The following C6 variants were observed in gnomAD, a reference collection of about 807,000 sequenced individuals.
C6 encodes complement C6.
In C6, 101 loss-of-function variants were observed where a neutral mutation model predicts 112.9. The observed-to-expected ratio is 0.89, with a 90% confidence interval of 0.76 to 1.06. The LOEUF is 1.06. C6 is among the 50% of genes least tolerant of loss of function. C6 has a pLI of 0.00. For synonymous variants in C6, 431 were observed against 384.1 expected, an observed-to-expected ratio of 1.12 and a Z score of -1.43; for missense variants, 1,202 against 1,104.6, an observed-to-expected ratio of 1.09 and a Z score of -1.25.
chr5:41,150,101 A>G (rs1374054898), intron 15 of C6, 76 bp from the exon 16 acceptor site: 18 of 935,710 alleles, frequency 1.9e-5, no homozygotes, highest in Non-Finnish European at 2.8e-5. Context: ...TTCAGAGAAG[A>G]GGCAGTGGTA....
chr5:41,154,862 T>G, intron 14 of C6, 110 bp downstream of exon 14: 1 of 1,096,942 alleles, frequency 9.1e-7, no homozygotes, highest in Non-Finnish European at 1.4e-6. Flanking sequence ...TCACCAGAGT[T>G]ACTAAAAACT....
intron 1 of C6, among the ~76,000 whole-genome samples, chr5:41,240,694 G>A (rs1387126451): frequency 6.6e-6 from 1 of 152,168 alleles, no homozygotes; most frequent in Non-Finnish European, 1.5e-5. Flanking sequence ...CAGGCAGCAT[G>A]CTTGAGTGCC....
chr5:41,195,311 A>G (rs79153837), intron 5 of C6, among the ~76,000 whole-genome samples: 1,897 of 152,034 alleles, frequency 0.012, 43 homozygotes, highest in African/African-American at 0.044. Context: ...TTTGCTTTTC[A>G]TGCTGGAAGA....
chr5:41,149,252 T>G lies in C6; in HGVS notation c.2612A>C (p.Glu871Ala). 1 of 1,614,036 alleles carries G rather than the reference T, an allele frequency of 6.2e-7. No homozygotes were observed. The highest frequency in any genetic ancestry group is 2.2e-5 in the East Asian group (1 of 44,874). ...SCGYDTCYDW[E>A]KCSASTSKCV... ...CCATTGGAACTTACCTGAACATTTT[T>G]CCCAGTCATAGCAGGTGTCATAGCC... The change falls in exon 17 of 18, where the codon GAA (glutamate) becomes GCA (alanine). Residue 871 changes from glutamate (E) to alanine (A), a missense_variant. By Grantham distance (107) the Glu-to-Ala change is moderately radical (BLOSUM62 -1). Coordinates refer to ENST00000337836, the MANE Select transcript of C6 (RefSeq NM_000065.5).
At chr5:41,240,925 G>C (rs1471538573) in intron 1 of C6, among the ~76,000 whole-genome samples, 1 of 152,162 alleles carries the variant, frequency 6.6e-6, no homozygotes, top group Non-Finnish European at 1.5e-5. Flanking sequence ...TGCGTGCTCG[G>C]ATGACCGGCA....
Position 41,181,427 on chromosome 5 carries a change from A to C in C6, c.859T>G (p.Ser287Ala), listed in dbSNP as rs1234771763. 5.0e-6 allele frequency: 8 copies of C among 1,613,680 alleles called. No individual in the cohort carries two copies. The highest frequency in any genetic ancestry group is 1.7e-5 in the Admixed American group (1 of 59,988). The stretch of plus-strand genomic sequence containing the variant: ...TGGTTGATATTTTCACTTCTCTTTG[A>C]GGAATAAAAAATTGGTACACTGAAA... ...SSFSVPIFYS[S>A]KRSENINHNS... is the part of the protein sequence containing the mutation. Residue 287 changes from serine (S) to alanine (A), a missense_variant, in exon 7 of 18, where the codon TCA becomes GCA. Transcript: ENST00000337836.
At chr5:41,176,934 T>C (rs988056310) in intron 7 of C6, among the ~76,000 whole-genome samples, 1 of 152,196 alleles carries the variant, frequency 6.6e-6, no homozygotes, top group Non-Finnish European at 1.5e-5. Flanking sequence ...ATCTCAATAA[T>C]GTAAACTGTG....
At chr5:41,149,843 C>A in intron 16 of C6, 92 bp downstream of exon 16, 2 of 852,134 alleles carry the variant, frequency 2.3e-6, no homozygotes, top group South Asian at 1.3e-5. Flanking sequence ...TATTTCATGT[C>A]TGTGCTTCAA....
chr5:41,211,636 T>C (rs1580205714), intron 1 of C6, among the ~76,000 whole-genome samples: 1 of 152,248 alleles, frequency 6.6e-6, no homozygotes, highest in East Asian at 1.9e-4. Flanking sequence ...GCCACTCCCC[T>C]ATACCCTTCA....
chr5:41,242,245 T>C (rs541746324), intron 1 of C6, among the ~76,000 whole-genome samples: 2 of 152,184 alleles, frequency 1.3e-5, no homozygotes, highest in African/African-American at 4.8e-5. Context: ...ATGGGGGCGG[T>C]TTCCCCCATC....
intron 1 of C6, among the ~76,000 whole-genome samples, chr5:41,234,093 A>G (rs1740079954): frequency 6.6e-6 from 1 of 152,104 alleles, no homozygotes; most frequent in South Asian, 2.1e-4. Context: ...AATTTACAAA[A>G]CAAATTATAT....
upstream of C6, among the ~76,000 whole-genome samples, chr5:41,217,783 T>C (rs1752245519): frequency 6.6e-6 from 1 of 152,080 alleles, no homozygotes; most frequent in African/African-American, 2.4e-5. Flanking sequence ...GAAACTTAGG[T>C]TGGATTCCAA....
chr5:41,219,949 A>G (rs1012608099), intron 1 of C6, among the ~76,000 whole-genome samples: 5 of 152,186 alleles, frequency 3.3e-5, no homozygotes, highest in Non-Finnish European at 1.5e-5. Context: ...TCTACATATT[A>G]TCAGGAGTGT....
At chr5:41,261,060 ATATTCTATAAAACTGAACTACTGCCTT>A in intron 1 of C6, 1 of 306,668 alleles carries the variant, frequency 3.3e-6, no homozygotes, top group African/African-American at 2.3e-5. Context: ...ACCCAAAACC[ATATTCTATAAAACTGAACTACTGCCTT>A]TGTAAACTTT....
intron 9 of C6, among the ~76,000 whole-genome samples, chr5:41,162,067 C>T (rs1037673792): frequency 2.0e-5 from 3 of 152,184 alleles, no homozygotes; most frequent in Admixed American, 6.5e-5. Context: ...GTACTAACAG[C>T]TACCATTTAT....
chr5:41,153,978 C>T lies in C6; in HGVS notation c.2122G>A (p.Val708Ile), dbSNP rs774281612. Residue 708 changes from valine to isoleucine, a missense_variant, in exon 15 of 18, where the codon GTT (valine) becomes ATT (isoleucine). Physicochemically the swap from Val to Ile is conservative, Grantham distance 29 (BLOSUM62 3). Transcript: ENST00000337836. Reference sequence around the variant, plus strand: ...GTAATTGTCAGGACTTCCTGCACAACTGGCTTGATGCACTCCGTCCCTGCA... The same window carrying T: ...GTAATTGTCAGGACTTCCTGCACAATTGGCTTGATGCACTCCGTCCCTGCA... ...ECQRTECIKP[V>I]VQEVLTITPF... is the part of the protein sequence containing the mutation. The T allele has an allele frequency of 1.2e-6, 2 of 1,613,614 alleles. No homozygotes were observed. The highest frequency in any genetic ancestry group is 1.7e-5 in the Admixed American group (1 of 59,972).
chr5:41,219,882 A>G (rs566007891), intron 1 of C6, among the ~76,000 whole-genome samples: 13 of 152,316 alleles, frequency 8.5e-5, no homozygotes, highest in Admixed American at 5.2e-4. Flanking sequence ...TCCCATTAAC[A>G]TCACATGCTC....
intron 1 of C6, among the ~76,000 whole-genome samples, chr5:41,206,921 T>C (rs1191838963): frequency 6.6e-6 from 1 of 152,058 alleles, no homozygotes; most frequent in East Asian, 1.9e-4. Context: ...AGACACATAA[T>C]TGTCAGATAC....
At chr5:41,226,047 G>A (rs183538783) in intron 1 of C6, among the ~76,000 whole-genome samples, 3,907 of 152,214 alleles carry the variant, frequency 0.026, 170 homozygotes, top group African/African-American at 0.09. Flanking sequence ...CATGGACAAG[G>A]ACTTCATGTC....
Sources: gnomAD v4.1 joint callset for allele counts (sites outside exome capture counted in the v4.1 genomes callset) on GRCh38, gnomAD v4.1.1 for gene constraint, MANE v1.5 for transcripts, NCBI Gene and HGNC (gene_info 2026-07-23, HGNC 2026-07-21) for gene names.